Variants in B9D1 observed in about 807,000 individuals in gnomAD.
B9D1 encodes B9 domain-containing protein 1.
B9D1 carries 20 observed loss-of-function variants against 26.1 expected under a neutral mutation model. The ratio of observed to expected loss-of-function variants is 0.77; its 90% CI spans 0.54 to 1.12. The LOEUF (loss-of-function observed/expected upper bound fraction) is 1.12. Ranked by LOEUF, B9D1 falls within the 50% of genes most tolerant of loss-of-function variation. The probability of loss-of-function intolerance (pLI) is 0.00; values close to 1 mark genes in which losing one functional copy is unlikely to be tolerated. For missense variants in B9D1, 260 were observed against 273.7 expected (o/e 0.95, Z 0.35); for synonymous variants, 105 against 103.1 (o/e 1.02, Z -0.11).
At chr17:19,335,481 G>A (rs1301477974), downstream of B9D1, 2 of 1,548,946 alleles carry the variant, frequency 1.3e-6, no homozygotes, top group Non-Finnish European at 1.7e-6. Flanking sequence ...TTGTGTGTCT[G>A]TGATCTCCTC....
At chr17:19,343,896 C>A in intron 5 of B9D1, 39 bp from the exon 6 acceptor site, 1 of 1,612,838 alleles carries the variant, frequency 6.2e-7, no homozygotes, top group Non-Finnish European at 8.5e-7. Flanking sequence ...AGGGCCCCAC[C>A]TGGGCATTCC....
chr17:19,351,461 TG>T (rs1325301884), intron 3 of B9D1, among the ~76,000 whole-genome samples: 2 of 152,264 alleles, frequency 1.3e-5, no homozygotes, highest in African/African-American at 4.8e-5. Flanking sequence ...TTCTTTTTAA[TG>T]TCCTCAGCAG....
rs113238460 is a variant in B9D1 at position 19,361,501 on chromosome 17, C to CG, written c.63+1005dup. ...AGTGTGACTGTCAGTGTGTGTGTGG[C>CG]GGGGGGGTCGCTGATGCTGAGAGCA... On this transcript the variant is annotated intron_variant, in intron 1 of 6. Coordinates refer to ENST00000261499, the MANE Select transcript of B9D1 (RefSeq NM_015681.6). Among the ~76,000 whole-genome samples the CG allele has an allele frequency of 7.5e-3, 1,134 of 151,834 alleles. 19 individuals carry two copies. Among genetic ancestry groups the CG allele is most frequent in the African/African-American group, 0.026 (1,079 of 41,378 alleles).
At chr17:19,336,082 G>A (rs1907419859), downstream of B9D1, 1 of 152,306 alleles carries the variant, frequency 6.6e-6, no homozygotes, top group African/African-American at 2.4e-5. Context: ...TGCAGGCTCT[G>A]AGTGGGGACT....
chr17:19,344,193 C>T (rs1021549266), intron 5 of B9D1, among the ~76,000 whole-genome samples: 2 of 152,170 alleles, frequency 1.3e-5, no homozygotes, highest in Non-Finnish European at 2.9e-5. Flanking sequence ...GGGGTGCTAC[C>T]TGAACCCCCA....
intron 1 of B9D1, chr17:19,371,403 C>A (rs1486511756): frequency 1.3e-5 from 2 of 152,224 alleles, no homozygotes; most frequent in African/African-American, 4.8e-5. Flanking sequence ...TAGATCAACA[C>A]CCCACTTTCA....
At chr17:19,358,032 G>T in intron 2 of B9D1, 81 bp from the exon 3 acceptor site, 4 of 1,025,286 alleles carry the variant, frequency 3.9e-6, no homozygotes, top group South Asian at 1.3e-5. Flanking sequence ...TCAGCAGGCA[G>T]TTGGGAGGGC....
In B9D1 at chr17:19,370,333, A is replaced by C. The variant is rs1911831426; in HGVS notation, c.-298+7526T>G. Among the ~76,000 whole-genome samples the C allele has an allele frequency of 6.6e-6, 1 of 152,252 alleles. No individual in the cohort carries two copies. Among genetic ancestry groups the C allele is most frequent in the East Asian group, 1.9e-4 (1 of 5,204 alleles). On this transcript the variant is annotated intron_variant, in intron 1 of 5. Transcript: ENST00000477478. The surrounding 1 kb of genome is among the most constrained non-coding windows in gnomAD (Gnocchi z 5.1). The stretch of plus-strand genomic sequence containing the variant: ...GTTGGATCTGGAGCTCAGGGAGAAC[A>C]ACCCTCAGAGGAGATGGCCCCTGGC...
chr17:19,375,033 T>A lies in B9D1; in HGVS notation c.-298+2826A>T, dbSNP rs113514218. Among the ~76,000 whole-genome samples, 1,132 of 152,354 alleles carry A rather than the reference T, an allele frequency of 7.4e-3. 20 individuals carry two copies. Among genetic ancestry groups the A allele is most frequent in the African/African-American group, 0.026 (1,086 of 41,576 alleles). The stretch of plus-strand genomic sequence containing the variant: ...GGGCTGATGCGGTGGCTCATGCCTG[T>A]AATCCCAGCACTTTGGGAGGCTGAC... On this transcript the variant is annotated intron_variant, in intron 1 of 5. Coordinates refer to the B9D1 transcript ENST00000477478.
upstream of B9D1, chr17:19,363,511 G>GT (rs1305647843): frequency 2.6e-5 from 4 of 152,272 alleles, no homozygotes; most frequent in South Asian, 8.3e-4. Flanking sequence ...GCAAAGGCAG[G>GT]TAAGTAGCTA....
chr17:19,372,917 A>G lies in B9D1; in HGVS notation c.-298+4942T>C, dbSNP rs1238622099. On this transcript the variant is annotated intron_variant, in intron 1 of 5. Transcript: ENST00000477478. The surrounding 1 kb of genome is among the most constrained non-coding windows in gnomAD (Gnocchi z 4.4). ...GGGGTGCGAACAGTTGGGCACATCT[A>G]TTATTTCTGCTGACCCACGTCCATC... 2.0e-5 allele frequency among the ~76,000 whole-genome samples: 3 copies of G among 152,252 alleles called. No individual in the cohort carries two copies. The highest frequency in any genetic ancestry group is 2.0e-4 in the Admixed American group (3 of 15,296).
At chr17:19,354,217 C>T (rs1910032607) in intron 3 of B9D1, among the ~76,000 whole-genome samples, 1 of 152,290 alleles carries the variant, frequency 6.6e-6, no homozygotes, top group Middle Eastern at 3.4e-3. Flanking sequence ...ATACTCCACT[C>T]CTCCTGAAAA....
chr17:19,365,904 T>TA (rs1911570182), upstream of B9D1, among the ~76,000 whole-genome samples: 1 of 152,058 alleles, frequency 6.6e-6, no homozygotes, highest in South Asian at 2.1e-4. The surrounding 1 kb of genome is among the most constrained non-coding windows in gnomAD (Gnocchi z 5.0). Flanking sequence ...ACATTGCAGC[T>TA]ATTCTTGTTG....
chr17:19,369,350 G>A lies in B9D1; in HGVS notation c.-298+8509C>T, dbSNP rs546258216. On this transcript the variant is annotated intron_variant, in intron 1 of 5. Transcript: ENST00000477478. ...CAACTGTGCACCTCTTCCCAGGGCCGCGTTCGGTGTGTCATGCTGGTAGCT... is the reference window on the plus strand; with the variant it reads ...CAACTGTGCACCTCTTCCCAGGGCCACGTTCGGTGTGTCATGCTGGTAGCT... 5.3e-5 allele frequency among the ~76,000 whole-genome samples: 8 copies of A among 152,342 alleles called. No individual in the cohort carries two copies. The South Asian group carries it at 8.3e-4, about 16-fold the overall frequency.
chr17:19,349,203 A>G (rs1000500293), intron 3 of B9D1, among the ~76,000 whole-genome samples: 1 of 152,170 alleles, frequency 6.6e-6, no homozygotes, highest in Admixed American at 6.5e-5. Context: ...TCCTAGTGAG[A>G]GAATAGTGGT....
intron 3 of B9D1, among the ~76,000 whole-genome samples, chr17:19,348,824 T>C (rs1909208012): frequency 6.6e-6 from 1 of 152,214 alleles, no homozygotes; most frequent in East Asian, 1.9e-4. Flanking sequence ...GTCCATTAGA[T>C]TTTCTCAAAT....
At chr17:19,371,989 C>G (rs1911917722) in intron 1 of B9D1, 1 of 152,230 alleles carries the variant, frequency 6.6e-6, no homozygotes, top group Non-Finnish European at 1.5e-5. Flanking sequence ...GAAGGAAAAC[C>G]TGGTGCAGGG....
chr17:19,348,173 A>G (rs577889884), intron 3 of B9D1, among the ~76,000 whole-genome samples: 1 of 151,954 alleles, frequency 6.6e-6, no homozygotes, highest in African/African-American at 2.4e-5. Flanking sequence ...AGGCACTTCC[A>G]GAGGCCTTAT....
downstream of B9D1, chr17:19,336,779 G>A (rs951302196): frequency 1.3e-5 from 2 of 152,600 alleles, no homozygotes; most frequent in African/African-American, 4.8e-5. Context: ...CTGGAGAGGT[G>A]GGAGATGAGG....
Sources: gnomAD v4.1 joint callset for allele counts (sites outside exome capture counted in the v4.1 genomes callset) on GRCh38, gnomAD v4.1.1 for gene constraint, Gnocchi (gnomAD v3.1) non-coding constraint, MANE v1.5 for transcripts, NCBI Gene and HGNC (gene_info 2026-07-23, HGNC 2026-07-21) for gene names.